The following MTFR1 variants were observed in gnomAD, a reference collection of about 807,000 sequenced individuals.
MTFR1 encodes the protein mitochondrial fission regulator 1.
Under a neutral mutation model 38.8 loss-of-function variants are expected in MTFR1, and 28 were observed. The observed-to-expected ratio is 0.72, with a 90% CI of 0.53 to 0.99. The LOEUF is 0.99. MTFR1 is among the 50% of genes least tolerant of loss of function. MTFR1 has a pLI of 0.00. For missense variants in MTFR1, 358 were observed against 395.5 expected, an observed-to-expected ratio of 0.91 and a Z score of 0.81; for synonymous variants, 145 against 137.0, an observed-to-expected ratio of 1.06 and a Z score of -0.41.
chr8:65,683,925 A>T (rs1804986012), intron 3 of MTFR1, among the ~76,000 whole-genome samples: 1 of 152,162 alleles, frequency 6.6e-6, no homozygotes. Context: ...AACTGCTCTT[A>T]TTTGCCAGTT....
At chr8:65,657,326 T>C (rs1310215306) in intron 1 of MTFR1, among the ~76,000 whole-genome samples, 3 of 152,222 alleles carry the variant, frequency 2.0e-5, no homozygotes, top group African/African-American at 7.2e-5. Context: ...TTATTTGTTT[T>C]AAACAAGATT....
At chr8:65,678,665 C>T (rs1002132950) in intron 2 of MTFR1, among the ~76,000 whole-genome samples, 2 of 152,268 alleles carry the variant, frequency 1.3e-5, no homozygotes, top group African/African-American at 4.8e-5. Flanking sequence ...CTTTGGGAGG[C>T]CGAGACGATT....
At chr8:65,682,157 T>A in intron 2 of MTFR1, 196 bp from the exon 3 acceptor site, 1 of 257,894 alleles carries the variant, frequency 3.9e-6, no homozygotes, top group Non-Finnish European at 7.2e-6. Context: ...ATTGAATTAA[T>A]AATATCTATC....
chr8:65,735,373 A>T (rs1046064174), intron 3 of MTFR1, among the ~76,000 whole-genome samples: 1 of 152,024 alleles, frequency 6.6e-6, no homozygotes, highest in Non-Finnish European at 1.5e-5. Context: ...CAGTGACATG[A>T]TCATGGCTCA....
chr8:65,745,359 C>T, intron 3 of MTFR1: 1 of 1,033,878 alleles, frequency 9.7e-7, no homozygotes, highest in Non-Finnish European at 1.5e-6. Context: ...ACCATCAATG[C>T]AGTAATCTAG....
At chr8:65,679,215 T>G (rs1804806371) in intron 2 of MTFR1, among the ~76,000 whole-genome samples, 2 of 152,172 alleles carry the variant, frequency 1.3e-5, no homozygotes, top group African/African-American at 4.8e-5. Flanking sequence ...GAATTTTGAC[T>G]TGTGACTAAA....
rs1348531345 is a variant in MTFR1 at position 65,703,428 on chromosome 8, T to TG, written c.282-1266_282-1265insG. Among the ~76,000 whole-genome samples the TG allele has an allele frequency of 5.4e-4, 64 of 118,274 alleles. 1 individual carries two copies. The highest frequency in any genetic ancestry group is 2.1e-3 in the African/African-American group (58 of 27,570). The allele number at this position is 118,274 out of a possible 152,430, so 77.6% of individuals were successfully genotyped here. On this transcript the variant is annotated intron_variant, in intron 4 of 7. Transcript: ENST00000262146. ...ATGCTTGATGTCTCTGGTTTTTTTT[T>TG]TTTTTTTTTTTTTTTTTTTTTTTGA... is the stretch of plus-strand genomic sequence containing the variant.
chr8:65,710,854 GTTCT>G (rs1805923083), downstream of MTFR1, among the ~76,000 whole-genome samples: 1 of 152,214 alleles, frequency 6.6e-6, no homozygotes, highest in South Asian at 2.1e-4. Context: ...TCAGTTTCTA[GTTCT>G]TTCACCCAAC....
At chr8:65,753,886 CT>C (rs1243607879) in intron 3 of MTFR1, among the ~76,000 whole-genome samples, 1 of 151,908 alleles carries the variant, frequency 6.6e-6, no homozygotes, top group Non-Finnish European at 1.5e-5. Flanking sequence ...ATCTCATAAC[CT>C]TTTTTTTCAA....
At chr8:65,689,840 G>A (rs975554350) in intron 3 of MTFR1, among the ~76,000 whole-genome samples, 3 of 152,104 alleles carry the variant, frequency 2.0e-5, no homozygotes, top group Admixed American at 6.6e-5. Context: ...GTTTTATTTT[G>A]TCTTTTGAAT....
chr8:65,761,424 T>TA (rs1808489138), intron 3 of MTFR1, among the ~76,000 whole-genome samples: 1 of 152,196 alleles, frequency 6.6e-6, no homozygotes, highest in African/African-American at 2.4e-5. Flanking sequence ...TTTCACAGCA[T>TA]AATGCACAAC....
intron 3 of MTFR1, chr8:65,723,516 G>A: frequency 6.8e-7 from 1 of 1,466,864 alleles, no homozygotes; most frequent in Non-Finnish European, 9.0e-7. Flanking sequence ...TTTCTAACCA[G>A]CTATATCTAA....
At chr8:65,678,585 A>C (rs2129052921) in intron 2 of MTFR1, among the ~76,000 whole-genome samples, 1 of 152,254 alleles carries the variant, frequency 6.6e-6, no homozygotes, top group East Asian at 1.9e-4. Context: ...ATACCTAAAT[A>C]ATCTACTTAT....
At chr8:65,723,491 A>C in intron 3 of MTFR1, 1 of 1,374,358 alleles carries the variant, frequency 7.3e-7, no homozygotes. Context: ...CCTTCTTGAT[A>C]AAAACAGTGG....
At chr8:65,773,314 T>C (rs1387185665), downstream of MTFR1, among the ~76,000 whole-genome samples, 1 of 152,222 alleles carries the variant, frequency 6.6e-6, no homozygotes, top group East Asian at 1.9e-4. Flanking sequence ...CATGGTGGCT[T>C]AAAGAGACAT....
chr8:65,738,768 C>T (rs2128900365), intron 3 of MTFR1, among the ~76,000 whole-genome samples: 1 of 152,288 alleles, frequency 6.6e-6, no homozygotes, highest in Non-Finnish European at 1.5e-5. Flanking sequence ...CAAAGAGATT[C>T]TAGGGGTCAG....
downstream of MTFR1, chr8:65,714,661 A>G (rs1806061996): frequency 6.6e-6 from 1 of 152,222 alleles, no homozygotes; most frequent in Non-Finnish European, 1.5e-5. Context: ...TATTTTCTCA[A>G]TCAGGAGATA....
At chr8:65,708,063 G>A (rs758063151) in intron 7 of MTFR1, 52 bp downstream of exon 7, 3 of 1,606,608 alleles carry the variant, frequency 1.9e-6, no homozygotes, top group Non-Finnish European at 2.5e-6. Flanking sequence ...CCATCCCATT[G>A]CCAAGCACTT....
At chr8:65,743,911 C>T (rs1807552819) in intron 3 of MTFR1, among the ~76,000 whole-genome samples, 2 of 151,918 alleles carry the variant, frequency 1.3e-5, no homozygotes, top group African/African-American at 4.8e-5. Flanking sequence ...CAGCTCACTG[C>T]AACCTTTGCT....
Sources: gnomAD v4.1 joint callset for allele counts (sites outside exome capture counted in the v4.1 genomes callset) on GRCh38, gnomAD v4.1.1 for gene constraint, MANE v1.5 for transcripts, NCBI Gene and HGNC (gene_info 2026-07-23, HGNC 2026-07-21) for gene names.